Variants in AHCY observed in about 807,000 individuals in gnomAD.
AHCY encodes S-adenosyl-L-homocysteine hydrolase.
In AHCY, 24 loss-of-function variants were observed where a neutral mutation model predicts 45.4. The observed-to-expected ratio is 0.53, with a 90% confidence interval of 0.38 to 0.74. The LOEUF is 0.74. Among genes scored for constraint, AHCY ranks in the 30% least tolerant of loss-of-function variants. The pLI is 0.00. For synonymous variants in AHCY, 245 were observed against 235.1 expected, an observed-to-expected ratio of 1.04 and a Z score of -0.39; for missense variants, 449 against 594.1, an observed-to-expected ratio of 0.76 and a Z score of 2.54.
At chr20:34,269,441 C>T in the AHCY span, 2 of 441,076 alleles carry the variant, frequency 4.5e-6, no homozygotes, top group Non-Finnish European at 7.9e-6. Context: ...GAAACCCGGG[C>T]GTCCCAGCCT....
the AHCY span, among the ~76,000 whole-genome samples, chr20:34,235,781 A>G: frequency 7.8e-6 from 1 of 128,718 alleles, no homozygotes; most frequent in Admixed American, 8.6e-5. Context: ...TGAGACTCTG[A>G]GAAAGAAGAA....
downstream of AHCY, among the ~76,000 whole-genome samples, chr20:34,279,509 G>A (rs531226889): frequency 6.6e-6 from 1 of 152,098 alleles, no homozygotes; most frequent in African/African-American, 2.4e-5. Context: ...TTGACCACTT[G>A]TGTTGTGGTC....
At chr20:34,307,332 C>T (rs2036905834), upstream of AHCY, among the ~76,000 whole-genome samples, 2 of 152,176 alleles carry the variant, frequency 1.3e-5, no homozygotes. Flanking sequence ...TCAAATGATC[C>T]ACCTGCTTCA....
chr20:34,262,352 T>C, the AHCY span, among the ~76,000 whole-genome samples: 1 of 152,242 alleles, frequency 6.6e-6, no homozygotes, highest in African/African-American at 2.4e-5. Context: ...AGTCATTATA[T>C]TGGCAGAGTC....
downstream of AHCY, among the ~76,000 whole-genome samples, chr20:34,276,856 A>T (rs1228705861): frequency 2.0e-5 from 3 of 151,916 alleles, no homozygotes; most frequent in African/African-American, 4.8e-5. Context: ...ACCACTGCAC[A>T]CCCCTGGCTG....
At chr20:34,288,511 TAA>T (rs1272874614) in intron 8 of AHCY, among the ~76,000 whole-genome samples, 2 of 151,866 alleles carry the variant, frequency 1.3e-5, no homozygotes, top group Admixed American at 6.6e-5. Context: ...CTACAAAAAA[TAA>T]AAAGTTAGCC....
chr20:34,288,302 CTG>C (rs2036254244), intron 8 of AHCY, among the ~76,000 whole-genome samples: 1 of 152,214 alleles, frequency 6.6e-6, no homozygotes, highest in Non-Finnish European at 1.5e-5. Flanking sequence ...TTGGCCAACT[CTG>C]TGTCTGTATC....
chr20:34,286,079 T>G (rs1358599890), intron 8 of AHCY: 2 of 226,794 alleles, frequency 8.8e-6, no homozygotes, highest in Non-Finnish European at 1.8e-5. Context: ...CACTGCAGCC[T>G]GGGCGACGGA....
At chr20:34,273,716 A>C in the AHCY span, among the ~76,000 whole-genome samples, 1 of 152,244 alleles carries the variant, frequency 6.6e-6, no homozygotes, top group East Asian at 1.9e-4. Context: ...TCTGTAGTCA[A>C]TTTAAGATGA....
Position 34,291,486 on chromosome 20 carries a change from A to C in AHCY, c.491T>G (p.Leu164Arg). ...GATCCCATTGGCCATCATCTTGTAG[A>C]GGTTGTGGACCCCAGTCGTGGTCTC... ...SEETTTGVHN[L>R]YKMMANGILK... is the part of the protein sequence containing the mutation. Residue 164 changes from leucine (L) to arginine (R), a missense_variant, in exon 5 of 10, where the codon CTC becomes CGC. Leu to Arg is a moderately radical substitution (Grantham distance 102). Transcript: ENST00000217426. 1 of 1,614,118 alleles carries C rather than the reference A, an allele frequency of 6.2e-7. No homozygotes were observed. The highest frequency in any genetic ancestry group is 8.5e-7 in the Non-Finnish European group (1 of 1,180,008).
At chr20:34,252,737 C>A in the AHCY span, among the ~76,000 whole-genome samples, 1 of 152,080 alleles carries the variant, frequency 6.6e-6, no homozygotes, top group Admixed American at 6.6e-5. Context: ...TCCTTTCCCA[C>A]GAGGCCATAT....
At chr20:34,269,380 A>G in the AHCY span, 171 of 601,828 alleles carry the variant, frequency 2.8e-4, 2 homozygotes, top group South Asian at 4.9e-3. Context: ...AGGTCCCGAA[A>G]GTTCTCGGTC....
chr20:34,257,970 C>T, the AHCY span, among the ~76,000 whole-genome samples: 1 of 152,068 alleles, frequency 6.6e-6, no homozygotes, highest in Admixed American at 6.6e-5. Flanking sequence ...ATGGTGAAAC[C>T]TTGTCTCTAC....
At chr20:34,258,690 T>TATATATATATATATATATAC in the AHCY span, among the ~76,000 whole-genome samples, 17 of 72,306 alleles carry the variant, frequency 2.4e-4, 2 homozygotes, top group Admixed American at 4.1e-4. Flanking sequence ...TATATATATA[T>TATATATATATATATATATAC]ACATACTATA....
chr20:34,248,813 A>G, the AHCY span, among the ~76,000 whole-genome samples: 1 of 151,084 alleles, frequency 6.6e-6, no homozygotes, highest in East Asian at 2.0e-4. Context: ...AAACAGAAAG[A>G]AAGAAATATT....
At chr20:34,236,588 C>A in the AHCY span, among the ~76,000 whole-genome samples, 1 of 151,952 alleles carries the variant, frequency 6.6e-6, no homozygotes, top group Non-Finnish European at 1.5e-5. Context: ...CAGTGGCTCA[C>A]GCCTGTAATC....
In AHCY at chr20:34,291,552, C is replaced by G. The variant is rs56983617; in HGVS notation, c.446-21G>C. The G allele has an allele frequency of 2.0e-4, 323 of 1,603,132 alleles. No individual in the cohort carries two copies. In the African/African-American group the frequency reaches 3.8e-3, roughly 19 times the overall value. The stretch of plus-strand genomic sequence containing the variant: ...GATGCCTAAACAAGAGGGGACAGGA[C>G]AAGCCTCAGAGATGCCACACCTGTG... On this transcript the variant is annotated intron_variant, in intron 4 of 9. Transcript: ENST00000217426.
chr20:34,285,135 C>A (rs1376991807), intron 9 of AHCY, among the ~76,000 whole-genome samples: 2 of 152,158 alleles, frequency 1.3e-5, no homozygotes, highest in African/African-American at 4.8e-5. Context: ...AAAGAATTTG[C>A]CTGGATTACA....
chr20:34,245,600 A>T, the AHCY span, among the ~76,000 whole-genome samples: 2 of 151,704 alleles, frequency 1.3e-5, no homozygotes, highest in African/African-American at 4.8e-5. Flanking sequence ...CATATTGGCC[A>T]GGCTGGTCTC....
Sources: gnomAD v4.1 joint callset for allele counts (sites outside exome capture counted in the v4.1 genomes callset) on GRCh38, gnomAD v4.1.1 for gene constraint, MANE v1.5 for transcripts, NCBI Gene and HGNC (gene_info 2026-07-23, HGNC 2026-07-21) for gene names.